The following HNRNPL variants were observed in gnomAD, a reference collection of about 807,000 sequenced individuals.
HNRNPL encodes epididymis secretory sperm binding protein.
Under a neutral mutation model 64.0 loss-of-function variants are expected in HNRNPL, and 12 were observed. That is an observed-to-expected ratio of 0.19 (90% CI 0.12 to 0.30). The LOEUF (loss-of-function observed/expected upper bound fraction) is 0.30. Among genes scored for constraint, HNRNPL ranks in the 10% least tolerant of loss-of-function variants. The probability of loss-of-function intolerance (pLI) is 1.00; values close to 1 mark genes in which losing one functional copy is unlikely to be tolerated. For synonymous variants in HNRNPL, 385 were observed against 313.0 expected, an observed-to-expected ratio of 1.23 and a Z score of -2.43; for missense variants, 484 against 797.4, an observed-to-expected ratio of 0.61 and a Z score of 4.73.
At chr19:38,841,570 A>C (rs1972119516) in intron 6 of HNRNPL, 1 of 827,110 alleles carries the variant, frequency 1.2e-6, no homozygotes, top group Non-Finnish European at 1.8e-6. Flanking sequence ...TACAGAGTAC[A>C]ATGTCCATTT....
At chr19:38,851,159 G>C (rs1328344890), upstream of HNRNPL, 1 of 152,464 alleles carries the variant, frequency 6.6e-6, no homozygotes, top group African/African-American at 2.4e-5. Context: ...ACAGCACCTG[G>C]CACAGTGCAA....
chr19:38,844,138 G>A (rs752544577), intron 4 of HNRNPL, 34 bp from the exon 5 acceptor site: 43 of 1,410,378 alleles, frequency 3.0e-5, no homozygotes, highest in Non-Finnish European at 3.8e-5. Context: ...CATCACAGGA[G>A]ATCTTTGAGA....
At chr19:38,843,732 CCATGGGGGGCCCAATGG>C (rs1972190657) in intron 6 of HNRNPL, 93 bp downstream of exon 6, 1 of 905,656 alleles carries the variant, frequency 1.1e-6, no homozygotes, top group African/African-American at 1.6e-5. Context: ...CCTCCCATGT[CCATGGGGGGCCCAATGG>C]CATTACATAA....
chr19:38,847,386 T>C lies in HNRNPL; in HGVS notation c.316A>G (p.Ile106Val), dbSNP rs367736827. The C allele has an allele frequency of 5.7e-6, 9 of 1,568,212 alleles. No homozygotes were observed. The highest frequency in any genetic ancestry group is 7.8e-6 in the Non-Finnish European group (9 of 1,155,998). ...ACCACACCGTCAATCAGGCCCCTGATGTGGACAACTGGGGAGGCAGGGGTT... is the reference window on the plus strand; with the variant it reads ...ACCACACCGTCAATCAGGCCCCTGACGTGGACAACTGGGGAGGCAGGGGTT... ...HKTPASPVVH[I>V]RGLIDGVVEA... The change falls in exon 2 of 13, where the codon ATC (isoleucine) becomes GTC (valine). Residue 106 changes from isoleucine to valine, a missense_variant. This residue lies in a region of HNRNPL where 23 missense variants were observed against 70.8 expected (regional missense o/e 0.32). Coordinates refer to ENST00000221419, the MANE Select transcript of HNRNPL (RefSeq NM_001533.3).
At chr19:38,837,567 G>C in intron 11 of HNRNPL, 27 bp downstream of exon 11, 3 of 1,613,550 alleles carry the variant, frequency 1.9e-6, no homozygotes, top group Non-Finnish European at 2.5e-6. Flanking sequence ...TGCAATTAGG[G>C]CAAGGAGGTG....
chr19:38,836,820 G>T (rs1971944301), intron 12 of HNRNPL, 40 bp from the exon 13 acceptor site: 1 of 1,513,912 alleles, frequency 6.6e-7, no homozygotes, highest in African/African-American at 1.4e-5. Flanking sequence ...CCCGTCTTTG[G>T]AGGCTCCCCA....
At chr19:38,841,535 G>T in intron 6 of HNRNPL, 1 of 633,730 alleles carries the variant, frequency 1.6e-6, no homozygotes, top group Non-Finnish European at 2.6e-6. Flanking sequence ...ATTACAAAAT[G>T]GAAAAGGACT....
chr19:38,839,787 T>C (rs950458332), intron 8 of HNRNPL: 15 of 290,014 alleles, frequency 5.2e-5, no homozygotes, highest in Non-Finnish European at 9.7e-5. Context: ...GAGGAAATCC[T>C]TAAACGATGG....
intron 6 of HNRNPL, among the ~76,000 whole-genome samples, chr19:38,842,887 G>A (rs1972162382): frequency 6.6e-6 from 1 of 152,188 alleles, no homozygotes; most frequent in African/African-American, 2.4e-5. Flanking sequence ...CCATGTTTCT[G>A]TTAGCAGTCA....
At chr19:38,851,882 A>G (rs918517856), upstream of HNRNPL, among the ~76,000 whole-genome samples, 1 of 152,118 alleles carries the variant, frequency 6.6e-6, no homozygotes, top group Non-Finnish European at 1.5e-5. Context: ...CCCGGACACC[A>G]GGAAGATCCG....
Position 38,840,090 on chromosome 19 carries a change from G to C in HNRNPL, c.1233+6C>G. On this transcript the variant is annotated splice_donor_region_variant and intron_variant, in intron 8 of 12. Transcript: ENST00000221419. ...GAGGAACCCAGGGGGCCCGGCAGCA[G>C]CTCACCTTCTCCACATTGCCATATA... is the stretch of plus-strand genomic sequence containing the variant. 1.2e-6 allele frequency: 2 copies of C among 1,613,146 alleles called. No individual in the cohort carries two copies. The highest frequency in any genetic ancestry group is 1.7e-6 in the Non-Finnish European group (2 of 1,179,824).
intron 6 of HNRNPL, 142 bp from the exon 7 acceptor site, chr19:38,840,701 G>A (rs1297420168): frequency 1.4e-6 from 1 of 704,336 alleles, no homozygotes. Flanking sequence ...GCCTCCTTTT[G>A]TGATCTGACC....
chr19:38,845,685 G>A lies in HNRNPL; in HGVS notation c.675C>T (p.Val225=), dbSNP rs769221260. 6.2e-7 allele frequency: 1 copy of A among 1,613,862 alleles called. No individual in the cohort carries two copies. Among genetic ancestry groups the A allele is most frequent in the Non-Finnish European group, 8.5e-7 (1 of 1,179,798 alleles). The part of the protein sequence containing the change: ...CNPCGPVQRI[V]IFRKNGVQAM... Reference sequence around the variant, plus strand: ...CCTGAACTCCATTCTTCCTGAAAATGACAATTCTCTGGACAGGGCCACAAG... The same window carrying A: ...CCTGAACTCCATTCTTCCTGAAAATAACAATTCTCTGGACAGGGCCACAAG... Residue 225 remains valine (V), a synonymous_variant, in exon 4 of 13, where the codon GTC becomes GTT. Transcript: ENST00000221419.
intron 4 of HNRNPL, among the ~76,000 whole-genome samples, chr19:38,844,502 T>C (rs1972221597): frequency 6.6e-6 from 1 of 152,128 alleles, no homozygotes; most frequent in Non-Finnish European, 1.5e-5. Flanking sequence ...CAACGCTGTC[T>C]AGGATGCCCT....
chr19:38,837,554 C>T, intron 11 of HNRNPL, 40 bp downstream of exon 11: 1 of 1,611,986 alleles, frequency 6.2e-7, no homozygotes, highest in Non-Finnish European at 8.5e-7. Context: ...CCACCAACCA[C>T]CATGCAATTA....
At chr19:38,849,417 G>GC in intron 1 of HNRNPL, 1 of 372,688 alleles carries the variant, frequency 2.7e-6, no homozygotes, top group Non-Finnish European at 4.7e-6. Context: ...CGCGTGCCCG[G>GC]CCCCCACACG....
At chr19:38,841,154 A>G (rs1972104673) in intron 6 of HNRNPL, 1 of 237,060 alleles carries the variant, frequency 4.2e-6, no homozygotes, top group Non-Finnish European at 8.4e-6. Flanking sequence ...ATAAGCAATC[A>G]TGTACAAGGC....
intron 10 of HNRNPL, 129 bp downstream of exon 10, chr19:38,838,268 C>G (rs972870948): frequency 1.4e-6 from 1 of 713,380 alleles, no homozygotes; most frequent in Non-Finnish European, 2.4e-6. Context: ...CTGCTGTGTC[C>G]CTAGCACTCA....
At position 38,845,922 on chromosome 19, in the gene HNRNPL, C is replaced by T. The variant is rs771265594; in HGVS notation, c.555G>A (p.Ser185=). ...CACTGTTCACGCTCCGGGAGTCATC[C>T]GAGTCCCCAGGGCGGGAGATCTTCT... is the stretch of plus-strand genomic sequence containing the variant. ...TSQKISRPGD[S]DDSRSVNSVL... The change falls in exon 3 of 13, where the codon TCG becomes TCA. Residue 185 remains serine, a synonymous_variant. Coordinates refer to ENST00000221419, the MANE Select transcript of HNRNPL (RefSeq NM_001533.3). 11 of 1,614,044 alleles carry T rather than the reference C, an allele frequency of 6.8e-6. No homozygotes were observed. The highest frequency in any genetic ancestry group is 3.3e-5 in the South Asian group (3 of 91,088).
Sources: allele counts gnomAD v4.1 joint callset (sites outside exome capture counted in the v4.1 genomes callset), GRCh38; gene constraint gnomAD v4.1.1; regional missense constraint gnomAD v4.1.1; transcripts MANE v1.5; gene names NCBI Gene and HGNC (gene_info 2026-07-23, HGNC 2026-07-21).